Variants in CUEDC2 observed in about 807,000 individuals in gnomAD.
CUEDC2 encodes CUE domain-containing protein 2.
Under a neutral mutation model 36.0 loss-of-function variants are expected in CUEDC2, and 10 were observed. That is an observed-to-expected ratio of 0.28 (90% CI 0.17 to 0.47). The LOEUF is 0.47. Ranked by LOEUF, CUEDC2 falls within the 20% of genes least tolerant of loss-of-function variation. The probability of loss-of-function intolerance (pLI) is 0.99; values close to 1 mark genes in which losing one functional copy is unlikely to be tolerated. For synonymous variants in CUEDC2, 133 were observed against 141.8 expected, an observed-to-expected ratio of 0.94 and a Z score of 0.44; for missense variants, 269 against 368.1, an observed-to-expected ratio of 0.73 and a Z score of 2.20.
intron 1 of CUEDC2, among the ~76,000 whole-genome samples, chr10:102,429,778 G>A (rs1278765258): frequency 6.6e-6 from 1 of 150,378 alleles, no homozygotes; most frequent in African/African-American, 2.5e-5. Context: ...AGCCTCTGCC[G>A]GGACAAAGGC....
intron 1 of CUEDC2, among the ~76,000 whole-genome samples, chr10:102,427,078 G>C (rs970125756): frequency 6.6e-6 from 1 of 152,044 alleles, no homozygotes; most frequent in Non-Finnish European, 1.5e-5. Context: ...AAAAAGGGGG[G>C]AATTTCTCAT....
chr10:102,430,911 C>T (rs2135473911), intron 1 of CUEDC2, among the ~76,000 whole-genome samples: 1 of 152,284 alleles, frequency 6.6e-6, no homozygotes, highest in African/African-American at 2.4e-5. Context: ...CCCATTGCTT[C>T]TTGGGGGCCG....
chr10:102,424,699 A>G lies in CUEDC2; in HGVS notation c.168T>C (p.Ala56=). Residue 56 remains alanine, a synonymous_variant, in exon 3 of 9, where the codon GCT becomes GCC. Transcript: ENST00000369937. This position sits in a 1 kb window ranked among gnomAD's most constrained non-coding sequence, Gnocchi z 4.2. The part of the protein sequence containing the change: ...GPSEENFDME[A]FTEMMEAYVP... ...CATAGGCCTCCATCATCTCAGTGAA[A>G]GCCTCCATATCGAAGTTCTCCTCTG... The G allele has an allele frequency of 6.2e-7, 1 of 1,614,166 alleles. No homozygotes were observed. The highest frequency in any genetic ancestry group is 8.5e-7 in the Non-Finnish European group (1 of 1,180,008).
intron 1 of CUEDC2, among the ~76,000 whole-genome samples, chr10:102,428,611 C>T (rs775859520): frequency 7.2e-5 from 11 of 152,184 alleles, no homozygotes; most frequent in East Asian, 1.9e-4. Context: ...TGGCTGGGCA[C>T]GGTGCCTCAT....
chr10:102,429,913 C>T (rs1356647308), intron 1 of CUEDC2, among the ~76,000 whole-genome samples: 2 of 150,706 alleles, frequency 1.3e-5, no homozygotes, highest in Non-Finnish European at 2.9e-5. Flanking sequence ...ATTCTCCTGC[C>T]TCAGCCTCCT....
intron 1 of CUEDC2, among the ~76,000 whole-genome samples, chr10:102,430,998 C>T (rs895216232): frequency 2.0e-5 from 3 of 152,176 alleles, no homozygotes; most frequent in Non-Finnish European, 4.4e-5. Flanking sequence ...TAAATGCCTC[C>T]GATGATGGTA....
intron 1 of CUEDC2, among the ~76,000 whole-genome samples, chr10:102,426,696 A>T (rs768145119): frequency 2.0e-5 from 3 of 151,330 alleles, no homozygotes; most frequent in Non-Finnish European, 4.4e-5. Flanking sequence ...CAGTGGTATG[A>T]TCTCGGCTCA....
Position 102,424,605 on chromosome 10 carries a change from A to T in CUEDC2, c.218+44T>A, listed in dbSNP as rs1210841108. 1 of 1,613,982 alleles carries T rather than the reference A, an allele frequency of 6.2e-7. No homozygotes were observed. The highest frequency in any genetic ancestry group is 8.5e-7 in the Non-Finnish European group (1 of 1,179,998). On this transcript the variant is annotated intron_variant, in intron 3 of 8. Transcript: ENST00000369937. The surrounding 1 kb of genome is among the most constrained non-coding windows in gnomAD (Gnocchi z 4.2). ...GAGAGGATGACTCTGCCCACCCCAT[A>T]ATCAGCCAGCCCCTTCCTCCTCCTG...
At chr10:102,428,076 G>C (rs1173054872) in intron 1 of CUEDC2, among the ~76,000 whole-genome samples, 2 of 152,106 alleles carry the variant, frequency 1.3e-5, no homozygotes, top group Non-Finnish European at 2.9e-5. Flanking sequence ...CGAGTAACTG[G>C]GATTACAGAC....
Position 102,423,282 on chromosome 10 carries a change from C to A in CUEDC2, c.*144G>T. On this transcript the variant is annotated 3_prime_UTR_variant, in exon 9 of 9. Coordinates refer to ENST00000369937, the MANE Select transcript of CUEDC2 (RefSeq NM_024040.3). This position sits in a 1 kb window ranked among gnomAD's most constrained non-coding sequence, Gnocchi z 5.6. The stretch of plus-strand genomic sequence containing the variant: ...GCCACCTTTACTGTGCCCATGGAGG[C>A]AGCTCCGAGAGTAGGTTAACACTAT... The A allele has an allele frequency of 9.4e-7, 1 of 1,069,352 alleles. No homozygotes were observed. The highest frequency in any genetic ancestry group is 1.4e-6 in the Non-Finnish European group (1 of 727,198). The allele number at this position is 1,069,352 out of a possible 1,614,324, so 66.2% of individuals were successfully genotyped here.
intron 1 of CUEDC2, among the ~76,000 whole-genome samples, chr10:102,427,453 A>C (rs781069311): frequency 6.6e-6 from 1 of 152,078 alleles, no homozygotes; most frequent in Non-Finnish European, 1.5e-5. Context: ...GCGTGTCCCA[A>C]ACTAATGTTC....
rs2061590048 is a variant in CUEDC2 at position 102,424,819 on chromosome 10, T to TG, written c.75-28dup. 1 of 1,607,392 alleles carries TG rather than the reference T, an allele frequency of 6.2e-7. No homozygotes were observed. The highest frequency in any genetic ancestry group is 1.7e-5 in the Admixed American group (1 of 59,062). On this transcript the variant is annotated intron_variant, in intron 2 of 8. Coordinates refer to ENST00000369937, the MANE Select transcript of CUEDC2 (RefSeq NM_024040.3). The surrounding 1 kb of genome is among the most constrained non-coding windows in gnomAD (Gnocchi z 4.2). Reference sequence around the variant, plus strand: ...TGCAGGAAGGGAACAGGACAAGCCCTGGGTAGGACACTGGATGCCTCCAGC... The same window carrying TG: ...TGCAGGAAGGGAACAGGACAAGCCCTGGGGTAGGACACTGGATGCCTCCAGC...
At chr10:102,430,904 A>G (rs1170474516) in intron 1 of CUEDC2, among the ~76,000 whole-genome samples, 1 of 151,618 alleles carries the variant, frequency 6.6e-6, no homozygotes, top group Non-Finnish European at 1.5e-5. Flanking sequence ...ACAGAACCCC[A>G]TTGCTTCTTG....
intron 1 of CUEDC2, among the ~76,000 whole-genome samples, chr10:102,426,144 G>C (rs751445853): frequency 5.9e-5 from 9 of 152,188 alleles, no homozygotes; most frequent in Non-Finnish European, 1.3e-4. Flanking sequence ...GGATGAGGGG[G>C]ACACTCTGTC....
intron 1 of CUEDC2, among the ~76,000 whole-genome samples, chr10:102,430,808 G>A (rs545172424): frequency 1.3e-5 from 2 of 152,266 alleles, no homozygotes; most frequent in East Asian, 1.9e-4. Flanking sequence ...TGCCAGACTG[G>A]TTTCCTAAGT....
Position 102,423,720 on chromosome 10 carries a change from G to A in CUEDC2, c.657-3C>T, listed in dbSNP as rs748976973. On this transcript the variant is annotated splice_region_variant and splice_polypyrimidine_tract_variant and intron_variant, in intron 7 of 8. Transcript: ENST00000369937. The surrounding 1 kb of genome is among the most constrained non-coding windows in gnomAD (Gnocchi z 5.6). ...CTGCGCTATCCACCATCATGTACCT[G>A]TCAAAAACTGGCTGGGTGAAGCTCC... 1.4e-5 allele frequency: 22 copies of A among 1,614,040 alleles called. No individual in the cohort carries two copies. The highest frequency in any genetic ancestry group is 1.8e-5 in the Non-Finnish European group (21 of 1,180,018).
chr10:102,425,107 G>T lies in CUEDC2; in HGVS notation c.74+8C>A. The T allele has an allele frequency of 6.2e-7, 1 of 1,612,180 alleles. No homozygotes were observed. The highest frequency in any genetic ancestry group is 8.5e-7 in the Non-Finnish European group (1 of 1,178,514). On this transcript the variant is annotated splice_region_variant and intron_variant, in intron 2 of 8. Transcript: ENST00000369937. ...CTGACATGAGCCTTCCGGGGGACCCGTCTCTACCTGAGGTCGGCCTCCGGG... is the reference window on the plus strand; with the variant it reads ...CTGACATGAGCCTTCCGGGGGACCCTTCTCTACCTGAGGTCGGCCTCCGGG...
chr10:102,427,851 C>T (rs1445425427), intron 1 of CUEDC2, among the ~76,000 whole-genome samples: 1 of 152,206 alleles, frequency 6.6e-6, no homozygotes, highest in Non-Finnish European at 1.5e-5. Flanking sequence ...GCCGTCCTTA[C>T]CCTGTCTATA....
At chr10:102,427,004 GT>G (rs1192311510) in intron 1 of CUEDC2, among the ~76,000 whole-genome samples, 1 of 151,750 alleles carries the variant, frequency 6.6e-6, no homozygotes, top group Admixed American at 6.6e-5. Context: ...CTTTTTCCAG[GT>G]TTTAGTCTAA....
Sources: allele counts gnomAD v4.1 joint callset (sites outside exome capture counted in the v4.1 genomes callset), GRCh38; gene constraint gnomAD v4.1.1; non-coding constraint Gnocchi (gnomAD v3.1); transcripts MANE v1.5; gene names NCBI Gene and HGNC (gene_info 2026-07-23, HGNC 2026-07-21).